Variants in DPYD observed in about 807,000 individuals in gnomAD.
DPYD encodes dihydropyrimidine dehydrogenase [NADP(+)].
Under a neutral mutation model 116.2 loss-of-function variants are expected in DPYD, and 109 were observed. The ratio of observed to expected loss-of-function variants is 0.94; its 90% CI spans 0.80 to 1.10. DPYD has a LOEUF of 1.10. Ranked by LOEUF, DPYD falls within the 50% of genes least tolerant of loss-of-function variation. The pLI is 0.00. For synonymous variants in DPYD, 440 were observed against 432.0 expected (o/e 1.02, Z -0.23); for missense variants, 1,302 against 1,254.5 (o/e 1.04, Z -0.57).
At chr1:97,297,579 T>C (rs1666609649) in intron 18 of DPYD, among the ~76,000 whole-genome samples, 1 of 152,110 alleles carries the variant, frequency 6.6e-6, no homozygotes, top group East Asian at 1.9e-4. Context: ...AAATAGCATA[T>C]CTCCAAATCA....
chr1:97,300,129 T>C (rs965251961), intron 18 of DPYD, among the ~76,000 whole-genome samples: 4 of 152,144 alleles, frequency 2.6e-5, no homozygotes, highest in African/African-American at 9.7e-5. Context: ...GTTAAACTTG[T>C]AATAAGCTAA....
At chr1:97,779,204 G>T (rs142525247) in intron 3 of DPYD, among the ~76,000 whole-genome samples, 2 of 152,162 alleles carry the variant, frequency 1.3e-5, no homozygotes, top group East Asian at 3.9e-4. Flanking sequence ...CTGATTACAT[G>T]CTGGCAAGTA....
intron 20 of DPYD, among the ~76,000 whole-genome samples, chr1:97,160,558 G>T (rs1655816179): frequency 6.6e-6 from 1 of 152,082 alleles, no homozygotes; most frequent in Admixed American, 6.6e-5. Flanking sequence ...TAGAAGGATT[G>T]TAAGAGATTT....
rs536154625 is a variant in DPYD at position 97,291,581 on chromosome 1, G to A, written c.2299+13678C>T. The stretch of plus-strand genomic sequence containing the variant: ...AAATCATCATTCTCAGTAAACTATC[G>A]CAAGGACAAAAAACCAAACACCGCA... On this transcript the variant is annotated intron_variant, in intron 18 of 22. Transcript: ENST00000370192. Among the ~76,000 whole-genome samples the A allele has an allele frequency of 6.9e-4, 105 of 151,892 alleles. 1 individual carries two copies. The South Asian group carries it at 0.013, about 19-fold the overall frequency.
At chr1:97,406,021 T>A (rs1019879620) in intron 14 of DPYD, among the ~76,000 whole-genome samples, 1 of 152,150 alleles carries the variant, frequency 6.6e-6, no homozygotes, top group Admixed American at 6.6e-5. Context: ...GTGTCCCCTA[T>A]GCCTGGGCCC....
intron 16 of DPYD, among the ~76,000 whole-genome samples, chr1:97,367,985 A>C (rs1329119838): frequency 6.6e-6 from 1 of 152,116 alleles, no homozygotes; most frequent in African/African-American, 2.4e-5. Context: ...AGTTTGATTG[A>C]CTGATAATAT....
intron 18 of DPYD, among the ~76,000 whole-genome samples, chr1:97,254,760 C>T (rs1333936360): frequency 6.6e-6 from 1 of 151,970 alleles, no homozygotes; most frequent in South Asian, 2.1e-4. Flanking sequence ...TTAAAATAAA[C>T]GTTTATTTCA....
intron 13 of DPYD, among the ~76,000 whole-genome samples, chr1:97,467,360 T>C (rs553870020): frequency 1.3e-5 from 2 of 152,344 alleles, no homozygotes; most frequent in African/African-American, 4.8e-5. Flanking sequence ...CCTTAACTGA[T>C]TGCAAATCAG....
intron 20 of DPYD, among the ~76,000 whole-genome samples, chr1:97,183,838 A>G (rs1427915973): frequency 6.6e-6 from 1 of 152,056 alleles, no homozygotes; most frequent in African/African-American, 2.4e-5. Context: ...ATGGGGGTTC[A>G]TTATACAGGT....
chr1:97,210,296 A>G (rs1232922070), intron 19 of DPYD, among the ~76,000 whole-genome samples: 1 of 152,002 alleles, frequency 6.6e-6, no homozygotes, highest in Non-Finnish European at 1.5e-5. Context: ...TACTTATTTT[A>G]TTTTAAAATG....
chr1:97,906,476 C>T (rs968203122), intron 1 of DPYD, among the ~76,000 whole-genome samples: 8 of 152,012 alleles, frequency 5.3e-5, no homozygotes, highest in Non-Finnish European at 1.0e-4. Flanking sequence ...TCTAACCAGA[C>T]TCTAAGTGGT....
At position 97,721,565 on chromosome 1, in the gene DPYD, T is replaced by G. The variant is rs1329865308; in HGVS notation, c.428A>C (p.Tyr143Ser). The change falls in exon 5 of 23, where the codon TAT (tyrosine) becomes TCT (serine). Residue 143 changes from tyrosine (Y) to serine (S), a missense_variant. Physicochemically the swap from Tyr to Ser is moderately radical, Grantham distance 144. Coordinates refer to ENST00000370192, the MANE Select transcript of DPYD (RefSeq NM_000110.4). ...SDLCVGGCNL[Y>S]ATEEGPINIG... ...ATTAATGGGTCCCTCTTCAGTGGCA[T>G]ATAAATTGCATCCACCTACACAAAG... The G allele has an allele frequency of 1.2e-6, 2 of 1,611,762 alleles. No individual in the cohort carries two copies. The highest frequency in any genetic ancestry group is 1.7e-6 in the Non-Finnish European group (2 of 1,178,484).
chr1:97,632,707 T>C (rs1015919281), intron 8 of DPYD, among the ~76,000 whole-genome samples: 2 of 152,152 alleles, frequency 1.3e-5, no homozygotes, highest in Non-Finnish European at 2.9e-5. Flanking sequence ...AACCATTTCC[T>C]TATTGAAATG....
intron 16 of DPYD, among the ~76,000 whole-genome samples, chr1:97,367,656 C>T (rs375091309): frequency 5.3e-5 from 8 of 152,228 alleles, no homozygotes; most frequent in South Asian, 2.1e-4. Flanking sequence ...TGTAAAGCTA[C>T]GGCAGTCTTC....
chr1:97,518,664 G>C (rs1407927955), intron 12 of DPYD, among the ~76,000 whole-genome samples: 3 of 151,972 alleles, frequency 2.0e-5, no homozygotes, highest in African/African-American at 7.3e-5. Flanking sequence ...ATGTTATTTA[G>C]ATTTTCAATT....
intron 22 of DPYD, among the ~76,000 whole-genome samples, chr1:97,081,974 T>C (rs1399285): frequency 0.14 from 21,450 of 152,054 alleles, 1,655 homozygotes; most frequent in Non-Finnish European, 0.17. Flanking sequence ...GTAATGGCCA[T>C]AAATGGTAGT....
At chr1:97,784,281 A>C (rs1666905285) in intron 3 of DPYD, among the ~76,000 whole-genome samples, 2 of 152,118 alleles carry the variant, frequency 1.3e-5, no homozygotes, top group Non-Finnish European at 2.9e-5. Flanking sequence ...TTAAAAAAAA[A>C]AATTACTCTT....
intron 19 of DPYD, among the ~76,000 whole-genome samples, chr1:97,207,302 TA>T (rs1187040312): frequency 6.6e-6 from 1 of 152,192 alleles, no homozygotes; most frequent in African/African-American, 2.4e-5. Flanking sequence ...CTGCACTCTA[TA>T]TCACTCATTG....
chr1:97,508,400 G>A (rs950502390), intron 13 of DPYD, among the ~76,000 whole-genome samples: 1 of 152,070 alleles, frequency 6.6e-6, no homozygotes, highest in Non-Finnish European at 1.5e-5. Context: ...ACTAGAAAGG[G>A]GGCCAGTGTG....
Sources: gnomAD v4.1 joint callset for allele counts (sites outside exome capture counted in the v4.1 genomes callset) on GRCh38, gnomAD v4.1.1 for gene constraint, MANE v1.5 for transcripts, NCBI Gene and HGNC (gene_info 2026-07-23, HGNC 2026-07-21) for gene names.